COL9A3: variants seen among roughly 807,000 people sequenced by gnomAD.
COL9A3 encodes the protein collagen type IX alpha 3 chain.
COL9A3 carries 82 observed loss-of-function variants against 110.2 expected under a neutral mutation model. The observed-to-expected ratio is 0.74, with a 90% CI of 0.62 to 0.89. The LOEUF (loss-of-function observed/expected upper bound fraction) is 0.89. Among genes scored for constraint, COL9A3 ranks in the 40% least tolerant of loss-of-function variants. The pLI, the probability that COL9A3 is intolerant of heterozygous loss-of-function variation, is 0.00. For synonymous variants in COL9A3, 494 were observed against 403.8 expected (o/e 1.22, Z -2.68); for missense variants, 1,066 against 981.3 (o/e 1.09, Z -1.15).
chr20:62,817,731 GC>G, intron 2 of COL9A3, 96 bp downstream of exon 2: 1 of 835,926 alleles, frequency 1.2e-6, no homozygotes. Context: ...AGAAAACCAG[GC>G]CCCACCTCCC....
intron 31 of COL9A3, among the ~76,000 whole-genome samples, chr20:62,839,300 T>A (rs1169605604): frequency 1.3e-5 from 2 of 152,208 alleles, no homozygotes; most frequent in African/African-American, 2.4e-5. Context: ...TTTGGTTAGA[T>A]TCTGTTTAAG....
Position 62,822,183 on chromosome 20 carries a change from C to G in COL9A3, c.477+19C>G. 1 of 1,501,550 alleles carries G rather than the reference C, an allele frequency of 6.7e-7. No individual in the cohort carries two copies. The highest frequency in any genetic ancestry group is 9.3e-7 in the Non-Finnish European group (1 of 1,077,944). The allele number at this position is 1,501,550 out of a possible 1,614,324, so 93.0% of individuals were successfully genotyped here. A position where few individuals can be genotyped will look rare whatever the true frequency, so the allele number is the denominator to read the frequency against. On this transcript the variant is annotated intron_variant, in intron 9 of 31. Transcript: ENST00000649368. ...ACCCCCTGTAAGTACTGGGCAGAGG[C>G]TCTAAGAAGTGCTGGGCATGGACTA...
Position 62,821,803 on chromosome 20 carries a change from GC to G in COL9A3, c.422del (p.Pro141ArgfsTer392). On this transcript the variant is annotated frameshift_variant, in exon 8 of 32. Transcript: ENST00000649368. LOFTEE classifies it high-confidence loss of function. ...SGPPGGIGLR[G>X]PPGPSGLPGL... ...CCCCCAGGTGGGATCGGCCTCCGCG[GC>G]CCCCCGGTGAGTGGCTGTCCCAGAG... 3.1e-6 allele frequency: 5 copies of G among 1,602,132 alleles called. No homozygotes were observed. The highest frequency in any genetic ancestry group is 1.1e-5 in the South Asian group (1 of 90,222).
chr20:62,818,581 C>CTTT (rs1198229867), intron 3 of COL9A3, 28 bp downstream of exon 3: 1 of 1,607,664 alleles, frequency 6.2e-7, no homozygotes. Flanking sequence ...GGGAGACAGC[C>CTTT]TTTTTCCAGT....
intron 26 of COL9A3, among the ~76,000 whole-genome samples, chr20:62,833,431 T>G (rs1177166260): frequency 1.3e-5 from 2 of 152,172 alleles, no homozygotes; most frequent in Non-Finnish European, 2.9e-5. Context: ...TTGAGACGAG[T>G]CTCACTCTGT....
chr20:62,837,109 C>T lies in COL9A3; in HGVS notation c.1630C>T (p.Leu544=). The part of the protein sequence containing the change: ...SEQIAQLAAH[L]RKPLAPGSIG... ...ACAAATTGCACAGTTAGCCGCGCAC[C>T]TAAGGAAGCCTTTGGCACCCGGGTC... is the stretch of plus-strand genomic sequence containing the variant. Residue 544 remains leucine, a synonymous_variant, in exon 30 of 32, where the codon CTA becomes TTA. Transcript: ENST00000649368. 6.2e-7 allele frequency: 1 copy of T among 1,613,562 alleles called. No individual in the cohort carries two copies. Among genetic ancestry groups the T allele is most frequent in the Non-Finnish European group, 8.5e-7 (1 of 1,180,016 alleles).
At chr20:62,826,580 T>C (rs2063555057) in intron 14 of COL9A3, among the ~76,000 whole-genome samples, 187 bp from the exon 15 acceptor site, 1 of 152,156 alleles carries the variant, frequency 6.6e-6, no homozygotes, top group African/African-American at 2.4e-5. Context: ...GTGAGGGCTG[T>C]TGTGGCTTAG....
At chr20:62,826,943 C>T in intron 15 of COL9A3, 123 bp downstream of exon 15, 1 of 1,107,842 alleles carries the variant, frequency 9.0e-7, no homozygotes, top group Non-Finnish European at 1.3e-6. Flanking sequence ...GTTCCCTGGA[C>T]ACCCTGGGAG....
At chr20:62,819,865 T>TA in intron 4 of COL9A3, 64 bp from the exon 5 acceptor site, 1 of 1,591,476 alleles carries the variant, frequency 6.3e-7, no homozygotes, top group Non-Finnish European at 8.6e-7. Flanking sequence ...GCTTCCATTT[T>TA]TGCCTGGGGG....
chr20:62,840,576 C>G lies in COL9A3; in HGVS notation c.1899C>G (p.Gly633=), dbSNP rs765116642. 2.5e-6 allele frequency: 4 copies of G among 1,612,682 alleles called. No homozygotes were observed. Among genetic ancestry groups the G allele is most frequent in the Non-Finnish European group, 3.4e-6 (4 of 1,179,872 alleles). ...GCGTGCCCGGCACCAGCAAGGACGG[C>G]CAGGACGGTGCTCCCGGCGAGCCTG... The part of the protein sequence containing the change: ...PQGVPGTSKD[G]QDGAPGEPGP... The change falls in exon 32 of 32, where the codon GGC becomes GGG. Residue 633 remains glycine (G), a synonymous_variant. Transcript: ENST00000649368.
At chr20:62,834,482 G>A (rs533244753) in intron 26 of COL9A3, among the ~76,000 whole-genome samples, 59 of 152,298 alleles carry the variant, frequency 3.9e-4, no homozygotes, top group African/African-American at 1.4e-3. Flanking sequence ...CTTTCCCGAG[G>A]GGGGTTTTCA....
intron 11 of COL9A3, 127 bp from the exon 12 acceptor site, chr20:62,824,841 C>A: frequency 9.6e-7 from 1 of 1,041,040 alleles, no homozygotes; most frequent in East Asian, 2.6e-5. Context: ...GGGCCCAGAC[C>A]CGCGGTCCTG....
chr20:62,821,310 C>G, intron 6 of COL9A3, 94 bp downstream of exon 6: 1 of 1,383,916 alleles, frequency 7.2e-7, no homozygotes, highest in Admixed American at 1.9e-5. Context: ...TCCCAGGGAC[C>G]ATCCCTGGCC....
At chr20:62,828,695 C>G in intron 17 of COL9A3, 69 bp from the exon 18 acceptor site, 1 of 1,555,064 alleles carries the variant, frequency 6.4e-7, no homozygotes, top group Non-Finnish European at 8.9e-7. Flanking sequence ...AGGCTGCCCC[C>G]AGGGCAGGAC....
At chr20:62,826,634 G>A (rs2063555450) in intron 14 of COL9A3, 133 bp from the exon 15 acceptor site, 2 of 913,142 alleles carry the variant, frequency 2.2e-6, no homozygotes, top group Admixed American at 4.0e-5. Flanking sequence ...CTACTAGGTG[G>A]CATCTTGGGG....
At chr20:62,829,935 A>G in intron 22 of COL9A3, 116 bp downstream of exon 22, 1 of 1,328,572 alleles carries the variant, frequency 7.5e-7, no homozygotes. Flanking sequence ...CAGGCCCACA[A>G]AAGCCTAGGA....
intron 1 of COL9A3, 136 bp from the exon 2 acceptor site, chr20:62,817,431 G>A (rs1247926010): frequency 1.5e-6 from 1 of 651,654 alleles, no homozygotes; most frequent in Non-Finnish European, 2.6e-6. Context: ...GCCGGGCTCC[G>A]CCCGAGGCTT....
At chr20:62,832,250 G>T in intron 25 of COL9A3, 61 bp downstream of exon 25, 1 of 1,545,888 alleles carries the variant, frequency 6.5e-7, no homozygotes, top group South Asian at 1.1e-5. Flanking sequence ...CTTCTCCCAG[G>T]CTCCTCCTGT....
Position 62,819,991 on chromosome 20 carries a change from C to T in COL9A3, c.309+9C>T. ...GTGCCCCTGGGGAACGGGTAAGTGC[C>T]TGCGCCGAACCCAGTGGCTTGGGTT... On this transcript the variant is annotated intron_variant, in intron 5 of 31. Transcript: ENST00000649368. The T allele has an allele frequency of 6.2e-7, 1 of 1,612,546 alleles. No homozygotes were observed. The highest frequency in any genetic ancestry group is 1.1e-5 in the South Asian group (1 of 91,062).
Sources: allele counts gnomAD v4.1 joint callset (sites outside exome capture counted in the v4.1 genomes callset), GRCh38; gene constraint gnomAD v4.1.1; transcripts MANE v1.5; gene names NCBI Gene and HGNC (gene_info 2026-07-23, HGNC 2026-07-21).